Variants in NBEA observed in about 807,000 individuals in gnomAD.
The protein encoded by NBEA is neurobeachin.
In NBEA, 44 loss-of-function variants were observed where a neutral mutation model predicts 343.4. The observed-to-expected ratio is 0.13, with a 90% CI of 0.10 to 0.16. The LOEUF (loss-of-function observed/expected upper bound fraction) is 0.16. NBEA is among the 10% of genes least tolerant of loss of function. NBEA has a pLI of 1.00. For missense variants in NBEA, 2,555 were observed against 3,631.3 expected (o/e 0.70, Z 7.62); for synonymous variants, 1,175 against 1,238.7 (o/e 0.95, Z 1.08).
intron 30 of NBEA, among the ~76,000 whole-genome samples, chr13:35,187,219 AC>A (rs1566428743): frequency 6.6e-6 from 1 of 151,778 alleles, no homozygotes; most frequent in Non-Finnish European, 1.5e-5. Context: ...GCTCCTTCAC[AC>A]CCCACTCCCT....
intron 38 of NBEA, among the ~76,000 whole-genome samples, chr13:35,417,366 G>C (rs1435645397): frequency 6.6e-6 from 1 of 151,792 alleles, no homozygotes; most frequent in African/African-American, 2.4e-5. Context: ...TTCTCTTGTG[G>C]GCATTTGGTG....
intron 17 of NBEA, among the ~76,000 whole-genome samples, chr13:35,133,674 G>T (rs2067553432): frequency 6.6e-6 from 1 of 151,998 alleles, no homozygotes; most frequent in Non-Finnish European, 1.5e-5. Flanking sequence ...ATATAAAGCA[G>T]TAAAGCAAGT....
Position 35,173,511 on chromosome 13 carries a change from A to G in NBEA, c.4471A>G (p.Arg1491Gly). ...RNCLECRQRQ[R>G]DRGNKSSHGS... ...CTGTTTAGAATGTCGGCAAAGACAGAGAGACAGGGGAAATAAATCTTCCCA... is the reference window on the plus strand; with the variant it reads ...CTGTTTAGAATGTCGGCAAAGACAGGGAGACAGGGGAAATAAATCTTCCCA... The change falls in exon 27 of 59, where the codon AGA (arginine) becomes GGA (glycine). Residue 1491 changes from arginine to glycine, a missense_variant. Arg to Gly is a moderately radical substitution (Grantham distance 125). This residue lies in a region of NBEA where 168 missense variants were observed against 193.0 expected (regional missense o/e 0.87). Transcript: ENST00000379939. 1.2e-6 allele frequency: 2 copies of G among 1,610,490 alleles called. No homozygotes were observed. The highest frequency in any genetic ancestry group is 1.7e-6 in the Non-Finnish European group (2 of 1,177,746).
chr13:35,197,345 T>C (rs1294978508), intron 31 of NBEA, among the ~76,000 whole-genome samples: 3 of 152,058 alleles, frequency 2.0e-5, no homozygotes, highest in African/African-American at 4.8e-5. Flanking sequence ...AAAGACAAGA[T>C]CAAATTAGGA....
chr13:35,461,861 A>C (rs759268216), intron 40 of NBEA, among the ~76,000 whole-genome samples: 3 of 152,252 alleles, frequency 2.0e-5, no homozygotes, highest in Non-Finnish European at 4.4e-5. Context: ...TTGCAGAGCC[A>C]GAATAGCAGC....
At chr13:35,044,829 T>TAGAG (rs372735958) in intron 2 of NBEA, 118 bp from the exon 3 acceptor site, 162 of 382,024 alleles carry the variant, frequency 4.2e-4, no homozygotes, top group Middle Eastern at 2.2e-3. Flanking sequence ...TATATATATA[T>TAGAG]AGAGAGAGAG....
At chr13:34,969,528 T>A (rs1188314140) in intron 1 of NBEA, among the ~76,000 whole-genome samples, 2 of 152,008 alleles carry the variant, frequency 1.3e-5, no homozygotes, top group Non-Finnish European at 2.9e-5. Context: ...TAGTAGACAT[T>A]AGTTATTCTT....
chr13:35,181,533 G>C (rs1480413985), intron 28 of NBEA, among the ~76,000 whole-genome samples: 1 of 148,586 alleles, frequency 6.7e-6, no homozygotes, highest in Non-Finnish European at 1.5e-5. Context: ...TAATTTGTTT[G>C]AGTTCCTTGT....
At chr13:35,307,521 G>GATTTTTTTAAGATTTTTTT (rs2036976601) in intron 35 of NBEA, among the ~76,000 whole-genome samples, 1 of 151,786 alleles carries the variant, frequency 6.6e-6, no homozygotes, top group Admixed American at 6.6e-5. Context: ...GATTTTTTTA[G>GATTTTTTTAAGATTTTTTT]ACAAGGCATA....
intron 36 of NBEA, among the ~76,000 whole-genome samples, chr13:35,344,245 A>G (rs2039748716): frequency 6.6e-6 from 1 of 152,144 alleles, no homozygotes; most frequent in African/African-American, 2.4e-5. Context: ...AAAAACTTGT[A>G]GAATGTAAGG....
chr13:35,254,916 A>G (rs1244259215), intron 34 of NBEA, among the ~76,000 whole-genome samples: 1 of 152,000 alleles, frequency 6.6e-6, no homozygotes, highest in Non-Finnish European at 1.5e-5. Flanking sequence ...TTAATATAAA[A>G]TTATTTTGAA....
At chr13:35,342,541 A>G (rs2039645821) in intron 36 of NBEA, among the ~76,000 whole-genome samples, 2 of 152,056 alleles carry the variant, frequency 1.3e-5, no homozygotes, top group Non-Finnish European at 2.9e-5. Context: ...GTATGCAAAC[A>G]AATTGGTAAA....
At chr13:35,122,733 G>A (rs1004220157) in intron 16 of NBEA, among the ~76,000 whole-genome samples, 3 of 152,104 alleles carry the variant, frequency 2.0e-5, no homozygotes, top group East Asian at 1.9e-4. Context: ...CAAAATCTTA[G>A]AGTAGGAACC....
chr13:35,277,255 G>A (rs527599841), intron 34 of NBEA, among the ~76,000 whole-genome samples: 202 of 152,152 alleles, frequency 1.3e-3, no homozygotes, highest in African/African-American at 4.8e-3. Flanking sequence ...TTTAAACCTG[G>A]CAGAGACCAG....
At chr13:35,432,007 G>A (rs1027263839) in intron 38 of NBEA, among the ~76,000 whole-genome samples, 2 of 151,988 alleles carry the variant, frequency 1.3e-5, no homozygotes, top group Non-Finnish European at 2.9e-5. Context: ...AAAGAAGAAA[G>A]TTTTAAAAAA....
intron 39 of NBEA, among the ~76,000 whole-genome samples, chr13:35,451,411 T>G (rs142061119): frequency 1.3e-5 from 2 of 152,176 alleles, no homozygotes; most frequent in South Asian, 4.1e-4. Context: ...CGTGAGCCAC[T>G]GCGCCCAACC....
At chr13:35,343,983 GA>G (rs1354197285) in intron 36 of NBEA, among the ~76,000 whole-genome samples, 1 of 152,024 alleles carries the variant, frequency 6.6e-6, no homozygotes, top group Non-Finnish European at 1.5e-5. Context: ...TGTCGTCCAT[GA>G]AACTAGTCCC....
chr13:35,261,251 G>T (rs2033187586), intron 34 of NBEA, among the ~76,000 whole-genome samples: 1 of 152,186 alleles, frequency 6.6e-6, no homozygotes, highest in Non-Finnish European at 1.5e-5. Context: ...CATGGCTCAT[G>T]CCTATAATTC....
intron 38 of NBEA, among the ~76,000 whole-genome samples, chr13:35,425,871 T>C (rs573319743): frequency 6.6e-6 from 1 of 152,334 alleles, no homozygotes; most frequent in Admixed American, 6.5e-5. Context: ...TTAGCTCTTC[T>C]TGTTGAATTG....
Sources: allele counts gnomAD v4.1 joint callset (sites outside exome capture counted in the v4.1 genomes callset), GRCh38; gene constraint gnomAD v4.1.1; regional missense constraint gnomAD v4.1.1; transcripts MANE v1.5; gene names NCBI Gene and HGNC (gene_info 2026-07-23, HGNC 2026-07-21).